Variants in NME7 observed in about 807,000 individuals in gnomAD.
The protein encoded by NME7 is nucleoside diphosphate kinase 7.
In NME7, 41 loss-of-function variants were observed where a neutral mutation model predicts 49.1. That is an observed-to-expected ratio of 0.83 (90% CI 0.65 to 1.08). The LOEUF is 1.08. Among genes scored for constraint, NME7 ranks in the 50% least tolerant of loss-of-function variants. NME7 has a pLI of 0.00. For missense variants in NME7, 423 were observed against 463.4 expected, an observed-to-expected ratio of 0.91 and a Z score of 0.80; for synonymous variants, 139 against 150.6, an observed-to-expected ratio of 0.92 and a Z score of 0.56.
intron 5 of NME7, among the ~76,000 whole-genome samples, chr1:169,299,585 T>C (rs1436542537): frequency 6.6e-6 from 1 of 152,066 alleles, no homozygotes; most frequent in East Asian, 1.9e-4. Flanking sequence ...AGAGAAGAGA[T>C]CCTCCTGGAG....
intron 7 of NME7, among the ~76,000 whole-genome samples, chr1:169,256,746 T>C (rs1394019517): frequency 7.9e-6 from 1 of 126,406 alleles, no homozygotes; most frequent in Non-Finnish European, 1.8e-5. Context: ...GTTTTTGGTG[T>C]GGATGTCCTT....
At chr1:169,241,887 GA>G (rs1553249332) in intron 7 of NME7, among the ~76,000 whole-genome samples, 1 of 151,410 alleles carries the variant, frequency 6.6e-6, no homozygotes, top group Non-Finnish European at 1.5e-5. Context: ...TACAAAAAAC[GA>G]AACTACACTC....
intron 7 of NME7, among the ~76,000 whole-genome samples, chr1:169,255,984 G>T (rs1219762554): frequency 2.3e-5 from 3 of 132,614 alleles, no homozygotes; most frequent in Admixed American, 2.2e-4. Flanking sequence ...TTTCTCTCTG[G>T]CTGCCCTTAA....
chr1:169,317,450 G>A (rs1040781172), intron 3 of NME7, among the ~76,000 whole-genome samples: 16 of 152,252 alleles, frequency 1.1e-4, no homozygotes, highest in African/African-American at 3.1e-4. Flanking sequence ...TGGGTCTATC[G>A]TATAATCAAT....
intron 10 of NME7, among the ~76,000 whole-genome samples, chr1:169,208,396 A>G (rs1251999003): frequency 3.9e-5 from 6 of 152,240 alleles, no homozygotes; most frequent in Non-Finnish European, 7.4e-5. Context: ...AAATGAATAA[A>G]TCAGAGACAA....
At chr1:169,197,199 T>C (rs552191000) in intron 10 of NME7, among the ~76,000 whole-genome samples, 3 of 152,254 alleles carry the variant, frequency 2.0e-5, no homozygotes, top group African/African-American at 7.2e-5. Flanking sequence ...CTTTATAAAT[T>C]GAAAAAGATT....
intron 1 of NME7, among the ~76,000 whole-genome samples, chr1:169,360,702 G>A (rs1211288487): frequency 6.6e-6 from 1 of 152,090 alleles, no homozygotes; most frequent in African/African-American, 2.4e-5. Flanking sequence ...TGACATCTCA[G>A]CTTAAAAGTC....
At chr1:169,350,236 A>AGG (rs1206424596) in intron 1 of NME7, among the ~76,000 whole-genome samples, 7 of 130,270 alleles carry the variant, frequency 5.4e-5, no homozygotes, top group African/African-American at 1.1e-4. Flanking sequence ...GAAAGAAAGA[A>AGG]AGAAAGAAAG....
intron 1 of NME7, among the ~76,000 whole-genome samples, chr1:169,348,114 T>C (rs1026683921): frequency 1.3e-5 from 2 of 152,196 alleles, no homozygotes; most frequent in Non-Finnish European, 2.9e-5. Context: ...GATACAGACT[T>C]AAGTGGCTGT....
At chr1:169,207,961 A>G (rs758614789) in intron 10 of NME7, among the ~76,000 whole-genome samples, 51 of 152,116 alleles carry the variant, frequency 3.4e-4, no homozygotes, top group Admixed American at 5.9e-4. Context: ...GCTTAGCAAG[A>G]ATTATGGTCA....
rs185961474 is a variant in NME7 at position 169,241,941 on chromosome 1, A to T, written c.755-4254T>A. On this transcript the variant is annotated intron_variant, in intron 7 of 11. Transcript: ENST00000367811. The stretch of plus-strand genomic sequence containing the variant: ...ATAAATATAAAAATACTTTTTAAAA[A>T]ATTTTAAAACAATAATTTATTTACT... 4.6e-5 allele frequency among the ~76,000 whole-genome samples: 7 copies of T among 151,876 alleles called. No individual in the cohort carries two copies. In the South Asian group the frequency reaches 1.5e-3, roughly 32 times the overall value.
At chr1:169,229,994 C>T (rs986275555) in intron 10 of NME7, among the ~76,000 whole-genome samples, 7 of 151,620 alleles carry the variant, frequency 4.6e-5, no homozygotes, top group African/African-American at 1.7e-4. Flanking sequence ...ATAAACAATG[C>T]CCTGAATAAA....
chr1:169,188,918 C>G (rs1435064095), intron 10 of NME7, among the ~76,000 whole-genome samples: 3 of 152,146 alleles, frequency 2.0e-5, no homozygotes, highest in Non-Finnish European at 4.4e-5. Flanking sequence ...TATTAGGTAT[C>G]AGGAAAAGTT....
In NME7 at chr1:169,269,649, G is replaced by A. The variant is rs1200035042; in HGVS notation, c.754+17654C>T. 3.8e-5 allele frequency among the ~76,000 whole-genome samples: 5 copies of A among 132,884 alleles called. 2 individuals carry two copies. Among genetic ancestry groups the A allele is most frequent in the Admixed American group, 3.7e-4 (5 of 13,438 alleles). The allele number at this position is 132,884 out of a possible 152,430, so 87.2% of individuals were successfully genotyped here. Reference sequence around the variant, plus strand: ...AGTGGATAGTAAAACTCTGAAAGAGGCTCTGAGTAAGAATAACCCAATTTC... The same window carrying A: ...AGTGGATAGTAAAACTCTGAAAGAGACTCTGAGTAAGAATAACCCAATTTC... On this transcript the variant is annotated intron_variant, in intron 7 of 11. Coordinates refer to ENST00000367811, the MANE Select transcript of NME7 (RefSeq NM_013330.5).
At chr1:169,325,562 G>A (rs959737019) in intron 1 of NME7, among the ~76,000 whole-genome samples, 17 of 152,046 alleles carry the variant, frequency 1.1e-4, no homozygotes, top group Non-Finnish European at 1.8e-4. Context: ...AAATACCCTC[G>A]CCCCAAAGAT....
intron 1 of NME7, among the ~76,000 whole-genome samples, chr1:169,347,767 C>T (rs113310708): frequency 3.3e-5 from 5 of 152,112 alleles, no homozygotes; most frequent in African/African-American, 9.7e-5. Context: ...TTTACTGCCA[C>T]GTGTTAGAAA....
chr1:169,362,443 A>T (rs1048375420), intron 1 of NME7, among the ~76,000 whole-genome samples: 2 of 152,228 alleles, frequency 1.3e-5, no homozygotes, highest in Non-Finnish European at 2.9e-5. Context: ...TATGTAAAAG[A>T]AATTGATGAG....
intron 10 of NME7, among the ~76,000 whole-genome samples, chr1:169,171,657 G>A (rs530265865): frequency 3.3e-5 from 5 of 151,882 alleles, no homozygotes; most frequent in African/African-American, 1.2e-4. Context: ...CAGCTACTTG[G>A]GGGGCTGAGG....
At chr1:169,244,925 T>G (rs1163107353) in intron 7 of NME7, among the ~76,000 whole-genome samples, 2 of 152,152 alleles carry the variant, frequency 1.3e-5, no homozygotes, top group African/African-American at 4.8e-5. Flanking sequence ...GGTCCTGAGT[T>G]CAAGCCCAGC....
Sources: gnomAD v4.1 joint callset for allele counts (sites outside exome capture counted in the v4.1 genomes callset) on GRCh38, gnomAD v4.1.1 for gene constraint, MANE v1.5 for transcripts, NCBI Gene and HGNC (gene_info 2026-07-23, HGNC 2026-07-21) for gene names.